Variants in GRXCR1 observed in about 807,000 individuals in gnomAD.
GRXCR1 encodes glutaredoxin and cysteine rich domain containing 1.
In GRXCR1, 27 loss-of-function variants were observed where a neutral mutation model predicts 27.3. The observed-to-expected ratio is 0.99, with a 90% CI of 0.73 to 1.37. The LOEUF is 1.37. Among genes scored for constraint, GRXCR1 ranks in the 40% most tolerant of loss-of-function variants. The pLI, the probability that GRXCR1 is intolerant of heterozygous loss-of-function variation, is 0.00. For synonymous variants in GRXCR1, 122 were observed against 131.1 expected, an observed-to-expected ratio of 0.93 and a Z score of 0.47; for missense variants, 379 against 354.4, an observed-to-expected ratio of 1.07 and a Z score of -0.56.
chr4:42,982,903 G>C (rs1213871984), intron 2 of GRXCR1, among the ~76,000 whole-genome samples: 1 of 151,772 alleles, frequency 6.6e-6, no homozygotes, highest in Non-Finnish European at 1.5e-5. Context: ...TGATGGGGTT[G>C]TTTGTTTTTT....
chr4:42,982,033 C>T (rs1343218968), intron 2 of GRXCR1, among the ~76,000 whole-genome samples: 3 of 150,092 alleles, frequency 2.0e-5, no homozygotes, highest in Non-Finnish European at 4.4e-5. Flanking sequence ...GGCTTTCCAC[C>T]CCTTTGTCTT....
chr4:42,940,480 C>A (rs1433440583), intron 1 of GRXCR1, among the ~76,000 whole-genome samples: 1 of 152,034 alleles, frequency 6.6e-6, no homozygotes, highest in Non-Finnish European at 1.5e-5. Flanking sequence ...CAACTTTCAA[C>A]CTCTTTACAT....
chr4:42,910,509 C>T (rs572199563), intron 1 of GRXCR1, among the ~76,000 whole-genome samples: 5 of 152,192 alleles, frequency 3.3e-5, no homozygotes, highest in South Asian at 2.1e-4. Flanking sequence ...AGTGGGCTTC[C>T]GTGAATGCCC....
At chr4:42,979,467 TG>T (rs1413410079) in intron 2 of GRXCR1, among the ~76,000 whole-genome samples, 1 of 152,092 alleles carries the variant, frequency 6.6e-6, no homozygotes, top group Non-Finnish European at 1.5e-5. Context: ...ATTCTGTTAA[TG>T]TGATATATCA....
chr4:42,958,808 A>G (rs564184189), intron 1 of GRXCR1, among the ~76,000 whole-genome samples: 1 of 151,988 alleles, frequency 6.6e-6, no homozygotes, highest in Admixed American at 6.6e-5. Context: ...AGAGAGATAT[A>G]TAAAAGTGCT....
At chr4:42,986,998 GTGTA>G (rs887763747) in intron 2 of GRXCR1, among the ~76,000 whole-genome samples, 4 of 121,782 alleles carry the variant, frequency 3.3e-5, no homozygotes, top group African/African-American at 1.5e-4. Flanking sequence ...TAAGAGATAT[GTGTA>G]TGTGTGTGTG....
intron 1 of GRXCR1, among the ~76,000 whole-genome samples, chr4:42,912,971 T>A (rs763699354): frequency 6.6e-6 from 1 of 152,164 alleles, no homozygotes; most frequent in Non-Finnish European, 1.5e-5. Context: ...GAAGAGGGGT[T>A]TCCCTTTTCA....
chr4:42,920,562 C>T (rs954608490), intron 1 of GRXCR1, among the ~76,000 whole-genome samples: 5 of 152,092 alleles, frequency 3.3e-5, no homozygotes, highest in African/African-American at 1.2e-4. Context: ...GTGGTTTGTA[C>T]AAAGCAGCCA....
intron 3 of GRXCR1, among the ~76,000 whole-genome samples, chr4:43,024,567 T>G (rs1283870731): frequency 6.6e-6 from 1 of 152,152 alleles, no homozygotes; most frequent in Non-Finnish European, 1.5e-5. Context: ...TCCCATCTGG[T>G]TTAAGAATCA....
chr4:42,962,799 G>T, intron 1 of GRXCR1, 93 bp from the exon 2 acceptor site: 2 of 1,414,354 alleles, frequency 1.4e-6, no homozygotes, highest in Non-Finnish European at 2.0e-6. Flanking sequence ...CAATTTTATT[G>T]CATGGCTTTA....
intron 1 of GRXCR1, among the ~76,000 whole-genome samples, chr4:42,952,472 C>A (rs1302106402): frequency 1.3e-5 from 2 of 152,044 alleles, no homozygotes; most frequent in Non-Finnish European, 2.9e-5. Context: ...CTTGACCACC[C>A]CCTACCTCAC....
intron 2 of GRXCR1, among the ~76,000 whole-genome samples, chr4:42,975,695 A>G (rs1214239774): frequency 6.6e-6 from 1 of 152,118 alleles, no homozygotes; most frequent in Non-Finnish European, 1.5e-5. Context: ...TACCAGTAGC[A>G]TCTTACCCTT....
intron 1 of GRXCR1, among the ~76,000 whole-genome samples, chr4:42,896,980 T>A (rs1197572550): frequency 6.6e-6 from 1 of 152,104 alleles, no homozygotes; most frequent in Non-Finnish European, 1.5e-5. Context: ...ATGTAGTTGG[T>A]CTCTTTTTAA....
At chr4:42,915,904 G>T (rs955771595) in intron 1 of GRXCR1, among the ~76,000 whole-genome samples, 7 of 151,788 alleles carry the variant, frequency 4.6e-5, no homozygotes, top group African/African-American at 1.7e-4. Context: ...CCCATTGCTA[G>T]GTACTTGGAA....
At chr4:42,984,470 A>G (rs1164969223) in intron 2 of GRXCR1, among the ~76,000 whole-genome samples, 1 of 152,142 alleles carries the variant, frequency 6.6e-6, no homozygotes, top group African/African-American at 2.4e-5. Flanking sequence ...ATCCTTGTGG[A>G]CATGTGTCAA....
chr4:43,026,037 C>T (rs1208901771), intron 3 of GRXCR1, among the ~76,000 whole-genome samples: 1 of 136,992 alleles, frequency 7.3e-6, no homozygotes, highest in Non-Finnish European at 1.6e-5. Flanking sequence ...AGTAATGAAG[C>T]CTGTTTTGTT....
chr4:42,901,726 G>A (rs944807072), intron 1 of GRXCR1, among the ~76,000 whole-genome samples: 1 of 152,126 alleles, frequency 6.6e-6, no homozygotes, highest in African/African-American at 2.4e-5. Flanking sequence ...AAAAGACTGA[G>A]GCCTTGTTGT....
At chr4:42,997,744 A>T (rs565545311) in intron 2 of GRXCR1, among the ~76,000 whole-genome samples, 1 of 152,142 alleles carries the variant, frequency 6.6e-6, no homozygotes, top group Non-Finnish European at 1.5e-5. Flanking sequence ...AAAGCAGCCA[A>T]TCGTAAGCCT....
intron 2 of GRXCR1, among the ~76,000 whole-genome samples, chr4:43,010,157 T>G (rs1712699550): frequency 6.6e-6 from 1 of 152,138 alleles, no homozygotes; most frequent in Non-Finnish European, 1.5e-5. Context: ...ATCCCAGCAC[T>G]TTGGGAGGCC....
Sources: allele counts gnomAD v4.1 joint callset (sites outside exome capture counted in the v4.1 genomes callset), GRCh38; gene constraint gnomAD v4.1.1; transcripts MANE v1.5; gene names NCBI Gene and HGNC (gene_info 2026-07-23, HGNC 2026-07-21).